ITPR2: variants seen among roughly 807,000 people sequenced by gnomAD.
ITPR2 encodes the protein inositol 1,4,5-trisphosphate-gated calcium channel ITPR2.
A neutral mutation model predicts 317.1 loss-of-function variants in ITPR2; 207 were observed. The ratio of observed to expected loss-of-function variants is 0.65; its 90% CI spans 0.58 to 0.73. The LOEUF is 0.73. Ranked by LOEUF, ITPR2 falls within the 30% of genes least tolerant of loss-of-function variation. The pLI is 0.00. For missense variants in ITPR2, 2,613 were observed against 3,284.0 expected (o/e 0.80, Z 4.99); for synonymous variants, 1,156 against 1,149.1 (o/e 1.01, Z -0.12).
chr12:26,708,132 C>A (rs947887716), intron 9 of ITPR2, among the ~76,000 whole-genome samples: 2 of 152,026 alleles, frequency 1.3e-5, no homozygotes, highest in Admixed American at 6.5e-5. Flanking sequence ...AAAGGGGAAC[C>A]CTCACATGGT....
chr12:26,410,527 A>G (rs148003931), intron 52 of ITPR2, among the ~76,000 whole-genome samples: 3 of 152,332 alleles, frequency 2.0e-5, no homozygotes, highest in African/African-American at 7.2e-5. Context: ...CTCCGCACCT[A>G]CACTATGCTT....
intron 28 of ITPR2, among the ~76,000 whole-genome samples, chr12:26,601,932 C>T (rs765822174): frequency 2.6e-5 from 4 of 152,142 alleles, no homozygotes; most frequent in Non-Finnish European, 5.9e-5. Context: ...GTATTAATCA[C>T]GAGGAAACAT....
intron 51 of ITPR2, among the ~76,000 whole-genome samples, chr12:26,414,757 T>C (rs969434949): frequency 3.9e-5 from 6 of 152,144 alleles, no homozygotes; most frequent in African/African-American, 1.4e-4. Context: ...ATTCTGAAAG[T>C]CACACACTGA....
intron 2 of ITPR2, among the ~76,000 whole-genome samples, chr12:26,727,374 C>T (rs752376780): frequency 1.3e-5 from 2 of 152,176 alleles, no homozygotes; most frequent in African/African-American, 2.4e-5. Flanking sequence ...TCAAGGGGAA[C>T]TGAACTCCAT....
chr12:26,664,492 T>C (rs1382137157), intron 14 of ITPR2, among the ~76,000 whole-genome samples: 1 of 152,182 alleles, frequency 6.6e-6, no homozygotes, highest in Non-Finnish European at 1.5e-5. Flanking sequence ...TTGAGGAATA[T>C]AACTCTTTTC....
At chr12:26,478,131 T>C (rs1378076840) in intron 43 of ITPR2, among the ~76,000 whole-genome samples, 1 of 152,078 alleles carries the variant, frequency 6.6e-6, no homozygotes, top group African/African-American at 2.4e-5. Context: ...CCTGGGTAGT[T>C]TTAACATCAA....
chr12:26,501,796 A>C (rs1348882759), intron 37 of ITPR2, among the ~76,000 whole-genome samples: 1 of 152,248 alleles, frequency 6.6e-6, no homozygotes, highest in Non-Finnish European at 1.5e-5. Context: ...GTCAGGAAGT[A>C]GAAAAGTGGA....
Position 26,439,256 on chromosome 12 carries a change from G to T in ITPR2, c.6514C>A (p.Leu2172Ile). ...ACACGGCACTTGGATTCTCGAGTGA[G>T]GTATTCACATATATTGGGGACAGGA... ...VFPVPNICEY[L>I]TRESKCRVFN... is the part of the protein sequence containing the mutation. Residue 2172 changes from leucine (L) to isoleucine (I), a missense_variant, in exon 47 of 57, where the codon CTC (leucine) becomes ATC (isoleucine). By Grantham distance (5) the Leu-to-Ile change is conservative (BLOSUM62 2). This residue lies in a region of ITPR2 where 926 missense variants were observed against 1,072.8 expected (regional missense o/e 0.86). Coordinates refer to ENST00000381340, the MANE Select transcript of ITPR2 (RefSeq NM_002223.4). 1 of 1,612,720 alleles carries T rather than the reference G, an allele frequency of 6.2e-7. No homozygotes were observed. Among genetic ancestry groups the T allele is most frequent in the Non-Finnish European group, 8.5e-7 (1 of 1,179,218 alleles).
At chr12:26,501,445 T>C (rs1002235133) in intron 37 of ITPR2, among the ~76,000 whole-genome samples, 6 of 152,206 alleles carry the variant, frequency 3.9e-5, no homozygotes, top group Non-Finnish European at 8.8e-5. Context: ...TCTAGCTGTT[T>C]AATCATTTGA....
At chr12:26,599,423 G>A (rs1945937696) in intron 29 of ITPR2, 78 bp from the exon 30 acceptor site, 1 of 1,256,302 alleles carries the variant, frequency 8.0e-7, no homozygotes, top group Middle Eastern at 1.9e-4. Flanking sequence ...TAATTGCCCT[G>A]CTTGTGATCA....
At chr12:26,720,311 C>A (rs1052804472) in intron 5 of ITPR2, among the ~76,000 whole-genome samples, 1 of 152,108 alleles carries the variant, frequency 6.6e-6, no homozygotes, top group African/African-American at 2.4e-5. Context: ...ATCTTAAAAC[C>A]TCATCTATTG....
chr12:26,445,774 G>A (rs1941597721), intron 45 of ITPR2, among the ~76,000 whole-genome samples: 1 of 152,166 alleles, frequency 6.6e-6, no homozygotes, highest in Non-Finnish European at 1.5e-5. Flanking sequence ...AGGAGTGTGA[G>A]TAGAGGCAGC....
rs1565794861 is a variant in ITPR2 at position 26,831,681 on chromosome 12, T to TTTATTTATATAA, written c.92+1008_92+1009insTTATATAAATAA. Among the ~76,000 whole-genome samples, 3 of 139,010 alleles carry TTTATTTATATAA rather than the reference T, an allele frequency of 2.2e-5. No homozygotes were observed. Among genetic ancestry groups the TTTATTTATATAA allele is most frequent in the Non-Finnish European group, 4.8e-5 (3 of 62,442 alleles). 91.2% of individuals were successfully genotyped at this position (139,010 alleles called of 152,430 possible). A position where few individuals can be genotyped will look rare whatever the true frequency, so the allele number is the denominator to read the frequency against. On this transcript the variant is annotated intron_variant, in intron 1 of 56. Transcript: ENST00000381340. This position sits in a 1 kb window ranked among gnomAD's most constrained non-coding sequence, Gnocchi z 4.9. Reference sequence around the variant, plus strand: ...TTTGGCACACTGTTTTATATATAAATATATATATATATTCTACATAAAATA... The same window carrying TTTATTTATATAA: ...TTTGGCACACTGTTTTATATATAAATTTATTTATATAAATATATATATATTCTACATAAAATA...
chr12:26,648,569 A>G (rs1294517984), intron 21 of ITPR2, among the ~76,000 whole-genome samples: 1 of 148,448 alleles, frequency 6.7e-6, no homozygotes, highest in Non-Finnish European at 1.5e-5. Flanking sequence ...ATAAAGTTTC[A>G]TTAAAAGAGA....
At position 26,662,419 on chromosome 12, in the gene ITPR2, T is replaced by C. The variant is rs117656096; in HGVS notation, c.1713+1266A>G. 3.9e-5 allele frequency among the ~76,000 whole-genome samples: 6 copies of C among 152,312 alleles called. No homozygotes were observed. In the East Asian group the frequency reaches 1.2e-3, roughly 29 times the overall value. The stretch of plus-strand genomic sequence containing the variant: ...AAAGTAAGCACACAATAAATACTAC[T>C]AACTCTTCCCAAATAACCTCCACCT... On this transcript the variant is annotated intron_variant, in intron 15 of 56. Coordinates refer to ENST00000381340, the MANE Select transcript of ITPR2 (RefSeq NM_002223.4).
intron 10 of ITPR2, among the ~76,000 whole-genome samples, chr12:26,690,409 T>G (rs1418803433): frequency 2.0e-5 from 3 of 152,184 alleles, no homozygotes; most frequent in African/African-American, 7.2e-5. Flanking sequence ...GGAGTATGTG[T>G]CATCTAATTT....
At chr12:26,368,772 C>T (rs1421627323) in intron 55 of ITPR2, among the ~76,000 whole-genome samples, 3 of 152,208 alleles carry the variant, frequency 2.0e-5, no homozygotes, top group African/African-American at 7.2e-5. Flanking sequence ...GTGCCAGCCA[C>T]TGCTCTAAGT....
intron 55 of ITPR2, chr12:26,373,864 T>A (rs556801263): frequency 6.6e-6 from 1 of 152,218 alleles, no homozygotes; most frequent in African/African-American, 2.4e-5. Context: ...GCCCAAAATG[T>A]ATTCTTTGGA....
intron 27 of ITPR2, 59 bp from the exon 28 acceptor site, chr12:26,602,554 A>G (rs1442092685): frequency 1.9e-6 from 3 of 1,568,284 alleles, no homozygotes; most frequent in South Asian, 1.1e-5. Flanking sequence ...AGTATAATAT[A>G]TAAGCAAAAC....
Sources: gnomAD v4.1 joint callset for allele counts (sites outside exome capture counted in the v4.1 genomes callset) on GRCh38, gnomAD v4.1.1 for gene constraint, gnomAD v4.1.1 regional missense constraint, Gnocchi (gnomAD v3.1) non-coding constraint, MANE v1.5 for transcripts, NCBI Gene and HGNC (gene_info 2026-07-23, HGNC 2026-07-21) for gene names.